Variants in HPGDS observed in about 807,000 individuals in gnomAD.
HPGDS encodes hematopoietic prostaglandin D synthase, also known as GST class-sigma.
A neutral mutation model predicts 23.1 loss-of-function variants in HPGDS; 26 were observed. That is an observed-to-expected ratio of 1.13 (90% CI 0.83 to 1.56). The LOEUF (loss-of-function observed/expected upper bound fraction) is 1.56. Among genes scored for constraint, HPGDS ranks in the 40% most tolerant of loss-of-function variants. HPGDS has a pLI of 0.00. For missense variants in HPGDS, 268 were observed against 236.4 expected (o/e 1.13, Z -0.88); for synonymous variants, 95 against 77.9 (o/e 1.22, Z -1.16).
intron 3 of HPGDS, among the ~76,000 whole-genome samples, chr4:94,314,858 C>T (rs1445798335): frequency 6.6e-6 from 1 of 152,224 alleles, no homozygotes; most frequent in East Asian, 1.9e-4. Context: ...CTCCCCCAGC[C>T]TCGCTGCCGC....
chr4:94,313,284 C>G (rs1309366844), intron 3 of HPGDS, among the ~76,000 whole-genome samples: 1 of 152,140 alleles, frequency 6.6e-6, no homozygotes, highest in African/African-American at 2.4e-5. Flanking sequence ...ACTGGTTGTT[C>G]CATTCCATGT....
chr4:94,299,656 G>A lies in HPGDS; in HGVS notation c.436-12C>T. 6.2e-7 allele frequency: 1 copy of A among 1,606,208 alleles called. No individual in the cohort carries two copies. The highest frequency in any genetic ancestry group is 8.5e-7 in the Non-Finnish European group (1 of 1,175,220). ...TCTGCCCAAGTTACCTAGTTTAAAGGAAACAAACTTTTCATTTGAACATAG... is the reference window on the plus strand; with the variant it reads ...TCTGCCCAAGTTACCTAGTTTAAAGAAAACAAACTTTTCATTTGAACATAG... On this transcript the variant is annotated splice_polypyrimidine_tract_variant and intron_variant, in intron 5 of 5. Transcript: ENST00000295256.
chr4:94,323,854 A>G (rs1405269171), intron 2 of HPGDS, among the ~76,000 whole-genome samples: 1 of 152,110 alleles, frequency 6.6e-6, no homozygotes, highest in African/African-American at 2.4e-5. Context: ...TCTTCCTTGC[A>G]TTGATGGTCT....
chr4:94,321,213 T>C (rs568570639), intron 2 of HPGDS, among the ~76,000 whole-genome samples: 1 of 152,348 alleles, frequency 6.6e-6, no homozygotes, highest in South Asian at 2.1e-4. Flanking sequence ...TCCAGCTTTG[T>C]TCTTTTTGCT....
intron 2 of HPGDS, among the ~76,000 whole-genome samples, chr4:94,325,298 C>A (rs1266776694): frequency 6.6e-6 from 1 of 152,194 alleles, no homozygotes; most frequent in Non-Finnish European, 1.5e-5. Flanking sequence ...GCTGGGAGAA[C>A]CACTGCTCTC....
intron 3 of HPGDS, 36 bp downstream of exon 3, chr4:94,317,837 A>C (rs1338248052): frequency 8.5e-7 from 1 of 1,177,126 alleles, no homozygotes; most frequent in Non-Finnish European, 1.3e-6. Flanking sequence ...TATTTGTTTC[A>C]GTTATCAAAA....
chr4:94,314,994 AG>A (rs1756366001), intron 3 of HPGDS, among the ~76,000 whole-genome samples: 1 of 152,208 alleles, frequency 6.6e-6, no homozygotes, highest in Non-Finnish European at 1.5e-5. Context: ...GGAAACGCGC[AG>A]TGTTAGGGTA....
chr4:94,317,195 A>G (rs1255108850), intron 3 of HPGDS, among the ~76,000 whole-genome samples: 2 of 152,200 alleles, frequency 1.3e-5, no homozygotes, highest in Admixed American at 1.3e-4. Context: ...ATTGATTGAA[A>G]GAAACGAGCT....
At chr4:94,307,766 T>A (rs561488384) in intron 4 of HPGDS, among the ~76,000 whole-genome samples, 61 of 151,982 alleles carry the variant, frequency 4.0e-4, no homozygotes, top group African/African-American at 1.4e-3. Context: ...GCAGTAAAAG[T>A]GAAAAGAAGC....
chr4:94,308,875 A>G, intron 3 of HPGDS, 132 bp from the exon 4 acceptor site: 2 of 485,572 alleles, frequency 4.1e-6, no homozygotes, highest in East Asian at 6.5e-5. Flanking sequence ...ACTAGCTTCC[A>G]TCCACCACAT....
At chr4:94,304,410 T>G (rs990368653) in intron 4 of HPGDS, among the ~76,000 whole-genome samples, 1 of 152,140 alleles carries the variant, frequency 6.6e-6, no homozygotes, top group African/African-American at 2.4e-5. Flanking sequence ...TCTTTTGCTT[T>G]TAATTCTTTT....
At chr4:94,340,325 T>TC (rs1560598089) in intron 1 of HPGDS, among the ~76,000 whole-genome samples, 40 of 21,394 alleles carry the variant, frequency 1.9e-3, no homozygotes, top group Non-Finnish European at 2.4e-3. Context: ...TTTTTTTTTT[T>TC]TTTTTTTTTT....
Position 94,342,836 on chromosome 4 carries a change from T to G in HPGDS, c.-51A>C, listed in dbSNP as rs767532280. On this transcript the variant is annotated 5_prime_UTR_variant, in exon 1 of 6. Transcript: ENST00000295256. The stretch of plus-strand genomic sequence containing the variant: ...GGGAGTCTGCAGTGTCTTGTATCCC[T>G]GGGTATGTGACTGTGCCTTGGGTTT... 12 of 152,172 alleles carry G rather than the reference T, an allele frequency of 7.9e-5. No homozygotes were observed. The highest frequency in any genetic ancestry group is 1.2e-4 in the Non-Finnish European group (8 of 68,038). The allele number at this position is 152,172 out of a possible 1,614,324, so 9.4% of individuals were successfully genotyped here.
At chr4:94,313,252 G>A (rs1036741894) in intron 3 of HPGDS, among the ~76,000 whole-genome samples, 12 of 152,118 alleles carry the variant, frequency 7.9e-5, no homozygotes, top group South Asian at 2.1e-4. Context: ...TTACAATTTG[G>A]CATGTTTTTG....
At position 94,309,661 on chromosome 4, in the gene HPGDS, G is replaced by A. The variant is rs564411231; in HGVS notation, c.227-918C>T. On this transcript the variant is annotated intron_variant, in intron 3 of 5. Transcript: ENST00000295256. ...TATATACCCACTAATGGGATGGCTG[G>A]GTCAAATGGTATTTCTAGTTCTAGA... Among the ~76,000 whole-genome samples, 631 of 151,882 alleles carry A rather than the reference G, an allele frequency of 4.2e-3. 2 individuals are homozygous for A. The highest frequency in any genetic ancestry group is 6.4e-3 in the Non-Finnish European group (438 of 67,942).
At chr4:94,305,037 A>G (rs1756114815) in intron 4 of HPGDS, among the ~76,000 whole-genome samples, 1 of 152,160 alleles carries the variant, frequency 6.6e-6, no homozygotes, top group African/African-American at 2.4e-5. Context: ...TAAAATACAG[A>G]TGCCATGTCT....
intron 4 of HPGDS, 116 bp downstream of exon 4, chr4:94,308,518 G>C (rs549466653): frequency 7.7e-6 from 4 of 522,812 alleles, no homozygotes; most frequent in South Asian, 3.3e-5. Flanking sequence ...AATATAATTT[G>C]GTATTTTAAA....
chr4:94,300,723 AG>A (rs1579422802), intron 5 of HPGDS, among the ~76,000 whole-genome samples: 2 of 147,608 alleles, frequency 1.4e-5, no homozygotes, highest in African/African-American at 2.5e-5. Context: ...GATAGGGGTT[AG>A]GAAAAAAAAA....
At chr4:94,324,029 G>A (rs950200286) in intron 2 of HPGDS, among the ~76,000 whole-genome samples, 7 of 152,130 alleles carry the variant, frequency 4.6e-5, no homozygotes, top group African/African-American at 1.7e-4. Flanking sequence ...AGCTTAGTTT[G>A]GCAGGATATG....
Sources: gnomAD v4.1 joint callset for allele counts (sites outside exome capture counted in the v4.1 genomes callset) on GRCh38, gnomAD v4.1.1 for gene constraint, MANE v1.5 for transcripts, NCBI Gene and HGNC (gene_info 2026-07-23, HGNC 2026-07-21) for gene names.